The following AFAP1 variants were observed in gnomAD, a reference collection of about 807,000 sequenced individuals.
AFAP1 encodes the protein actin filament-associated protein 1.
A neutral mutation model predicts 93.9 loss-of-function variants in AFAP1; 75 were observed. The observed-to-expected ratio is 0.80, with a 90% confidence interval of 0.66 to 0.97. The LOEUF is 0.97. Among genes scored for constraint, AFAP1 ranks in the 50% least tolerant of loss-of-function variants. The pLI, the probability that AFAP1 is intolerant of heterozygous loss-of-function variation, is 0.00. For synonymous variants in AFAP1, 517 were observed against 430.7 expected, an observed-to-expected ratio of 1.20 and a Z score of -2.48; for missense variants, 1,201 against 1,050.8, an observed-to-expected ratio of 1.14 and a Z score of -1.98.
intron 1 of AFAP1, among the ~76,000 whole-genome samples, chr4:7,895,597 A>C (rs927832055): frequency 2.6e-5 from 4 of 151,498 alleles, no homozygotes; most frequent in African/African-American, 7.3e-5. Context: ...CTTTCCAAAC[A>C]AGTCACTCGA....
intron 6 of AFAP1, among the ~76,000 whole-genome samples, chr4:7,824,292 C>T (rs185551425): frequency 6.6e-5 from 10 of 152,278 alleles, no homozygotes; most frequent in Admixed American, 4.6e-4. Flanking sequence ...TTGCTTTTAA[C>T]TTGAGCCCTC....
intron 1 of AFAP1, among the ~76,000 whole-genome samples, chr4:7,902,058 C>A (rs1244432584): frequency 1.3e-5 from 2 of 152,206 alleles, no homozygotes; most frequent in African/African-American, 2.4e-5. Context: ...TTTGATAGCT[C>A]TGCTTTCGAA....
intron 8 of AFAP1, among the ~76,000 whole-genome samples, chr4:7,811,718 A>AAGACAGCCCTCGCT (rs1402375200): frequency 6.6e-6 from 1 of 152,104 alleles, no homozygotes; most frequent in African/African-American, 2.4e-5. Flanking sequence ...GCCTTGGAGG[A>AAGACAGCCCTCGCT]AGACAGCCCT....
chr4:7,870,063 T>A (rs547995644), intron 2 of AFAP1, among the ~76,000 whole-genome samples: 1 of 152,140 alleles, frequency 6.6e-6, no homozygotes, highest in Non-Finnish European at 1.5e-5. Flanking sequence ...AGGCACTGTT[T>A]TGAAATATTT....
In AFAP1 at chr4:7,878,042, T is replaced by G. The variant is rs118077352; in HGVS notation, c.-2-5962A>C. ...CACAAACACACATGGCTGGTGGGCA[T>G]GGCGTACCAAAATCTCACTACGGCG... On this transcript the variant is annotated intron_variant, in intron 1 of 17. Coordinates refer to ENST00000420658, the MANE Select transcript of AFAP1 (RefSeq NM_001134647.2). Among the ~76,000 whole-genome samples the G allele has an allele frequency of 2.0e-4, 31 of 152,296 alleles. No homozygotes were observed. The East Asian group carries it at 6.0e-3, about 29-fold the overall frequency.
chr4:7,874,360 T>TC (rs1717337034), intron 1 of AFAP1, among the ~76,000 whole-genome samples: 1 of 58,436 alleles, frequency 1.7e-5, no homozygotes, highest in South Asian at 3.9e-4. Context: ...CTTTTTCTTT[T>TC]TTTTTTTTTT....
chr4:7,878,601 C>T (rs914217420), intron 1 of AFAP1, among the ~76,000 whole-genome samples: 8 of 152,228 alleles, frequency 5.3e-5, no homozygotes, highest in African/African-American at 1.9e-4. Context: ...GTACCGTGGT[C>T]TCTGAAGCTC....
At chr4:7,818,278 G>T (rs761683268) in intron 7 of AFAP1, among the ~76,000 whole-genome samples, 1 of 152,182 alleles carries the variant, frequency 6.6e-6, no homozygotes, top group African/African-American at 2.4e-5. Flanking sequence ...CCACACTGCA[G>T]GTTTCAGACT....
In AFAP1 at chr4:7,762,343, A is replaced by G. The variant is rs557051549; in HGVS notation, c.*1422T>C. 6.6e-6 allele frequency: 1 copy of G among 152,352 alleles called. No homozygotes were observed. The highest frequency in any genetic ancestry group is 1.9e-4 in the East Asian group (1 of 5,160). The allele number at this position is 152,352 out of a possible 1,614,324, so 9.4% of individuals were successfully genotyped here. A position where few individuals can be genotyped will look rare whatever the true frequency, so the allele number is the denominator to read the frequency against. ...GACAGAAGGAAGGCTTACACCAAGT[A>G]TGGCACCTCTGTATTCTATGCTTGG... is the stretch of plus-strand genomic sequence containing the variant. On this transcript the variant is annotated 3_prime_UTR_variant, in exon 18 of 18. Transcript: ENST00000420658.
At chr4:7,773,200 C>T in intron 15 of AFAP1, 190 bp from the exon 16 acceptor site, 2 of 899,068 alleles carry the variant, frequency 2.2e-6, no homozygotes, top group South Asian at 1.9e-5. Context: ...TACCATTTCC[C>T]TTTGCTGCAG....
chr4:7,922,294 C>G (rs1021610887), intron 1 of AFAP1, among the ~76,000 whole-genome samples: 5 of 152,150 alleles, frequency 3.3e-5, no homozygotes. Flanking sequence ...TAATACCTAA[C>G]ACACAGGACT....
At chr4:7,836,476 C>T (rs982012201) in intron 6 of AFAP1, among the ~76,000 whole-genome samples, 3 of 152,148 alleles carry the variant, frequency 2.0e-5, no homozygotes, top group African/African-American at 4.8e-5. Context: ...GACAGGGTCT[C>T]GCTCCTATCA....
intron 1 of AFAP1, among the ~76,000 whole-genome samples, chr4:7,914,712 C>G (rs776260937): frequency 3.9e-5 from 6 of 152,128 alleles, no homozygotes; most frequent in Non-Finnish European, 8.8e-5. Context: ...TCTCAGGAAC[C>G]TCCATACTGT....
At chr4:7,800,192 C>A (rs1263871368) in intron 10 of AFAP1, among the ~76,000 whole-genome samples, 2 of 152,182 alleles carry the variant, frequency 1.3e-5, no homozygotes, top group Non-Finnish European at 2.9e-5. Flanking sequence ...GCAAGTCAAT[C>A]TGATGTGTAC....
chr4:7,856,601 T>C (rs1715106607), intron 3 of AFAP1, among the ~76,000 whole-genome samples: 1 of 152,164 alleles, frequency 6.6e-6, no homozygotes, highest in African/African-American at 2.4e-5. Flanking sequence ...GCCATAGCCT[T>C]AGAATATGGA....
At chr4:7,797,641 G>A (rs1378715994) in intron 10 of AFAP1, among the ~76,000 whole-genome samples, 1 of 152,196 alleles carries the variant, frequency 6.6e-6, no homozygotes, top group Non-Finnish European at 1.5e-5. Context: ...ACAACACACA[G>A]GCTGGGGTTT....
chr4:7,933,709 T>A (rs2149247071), intron 1 of AFAP1, among the ~76,000 whole-genome samples: 1 of 152,264 alleles, frequency 6.6e-6, no homozygotes, highest in African/African-American at 2.4e-5. Flanking sequence ...AAAGACCAGA[T>A]AGAGGCCTCA....
chr4:7,847,424 C>T (rs1024679116), intron 4 of AFAP1, among the ~76,000 whole-genome samples: 1 of 151,850 alleles, frequency 6.6e-6, no homozygotes, highest in Non-Finnish European at 1.5e-5. Flanking sequence ...GAGAACTCTC[C>T]GGAAAGTATG....
chr4:7,816,919 G>A (rs6839506), intron 7 of AFAP1, among the ~76,000 whole-genome samples: 2,103 of 152,292 alleles, frequency 0.014, 48 homozygotes, highest in African/African-American at 0.048. Flanking sequence ...CCACTTAGTG[G>A]GAAGCTGAGT....
Sources: allele counts gnomAD v4.1 joint callset (sites outside exome capture counted in the v4.1 genomes callset), GRCh38; gene constraint gnomAD v4.1.1; transcripts MANE v1.5; gene names NCBI Gene and HGNC (gene_info 2026-07-23, HGNC 2026-07-21).